PTER: variants seen among roughly 807,000 people sequenced by gnomAD.
PTER encodes N-acetyltaurine hydrolase.
In PTER, 38 loss-of-function variants were observed where a neutral mutation model predicts 29.6. The observed-to-expected ratio is 1.28, with a 90% CI of 0.99 to 1.68. PTER has a LOEUF of 1.68. PTER is among the 40% of genes most tolerant of loss of function. PTER has a pLI of 0.00. For missense variants in PTER, 482 were observed against 427.8 expected (o/e 1.13, Z -1.12); for synonymous variants, 172 against 154.5 (o/e 1.11, Z -0.84).
chr10:16,514,384 G>T, downstream of PTER: 3 of 651,252 alleles, frequency 4.6e-6, no homozygotes, highest in Non-Finnish European at 8.1e-6. Context: ...TGATACAGAT[G>T]TGAGTCAGGT....
chr10:16,509,236 G>C (rs1836717055), intron 4 of PTER, among the ~76,000 whole-genome samples: 1 of 152,100 alleles, frequency 6.6e-6, no homozygotes, highest in Admixed American at 6.5e-5. Context: ...GGACGGGGCA[G>C]GTTTTCTTCA....
chr10:16,504,028 CCTTCATTCCCTTCATGCAATGT>C (rs1836466283), intron 3 of PTER, among the ~76,000 whole-genome samples: 1 of 152,172 alleles, frequency 6.6e-6, no homozygotes, highest in Admixed American at 6.5e-5. Context: ...GTATATTTTT[CCTTCATTCCCTTCATGCAATGT>C]CTTCCTTCCC....
At chr10:16,486,827 C>G in intron 3 of PTER, 1 of 550,548 alleles carries the variant, frequency 1.8e-6, no homozygotes, top group Non-Finnish European at 3.1e-6. Flanking sequence ...CAGATAGTGT[C>G]CTAGGTATTT....
At chr10:16,452,888 G>A (rs1323362045) in intron 1 of PTER, among the ~76,000 whole-genome samples, 1 of 152,080 alleles carries the variant, frequency 6.6e-6, no homozygotes, top group African/African-American at 2.4e-5. Flanking sequence ...AAGTGGGTGG[G>A]ATTACAGGCA....
chr10:16,471,916 C>G (rs1339829104), intron 1 of PTER, among the ~76,000 whole-genome samples: 1 of 152,200 alleles, frequency 6.6e-6, no homozygotes, highest in African/African-American at 2.4e-5. Context: ...ACTTGGGATA[C>G]TTACTGCTAA....
intron 1 of PTER, among the ~76,000 whole-genome samples, chr10:16,437,984 C>T (rs1347082756): frequency 6.6e-6 from 1 of 152,122 alleles, no homozygotes; most frequent in Non-Finnish European, 1.5e-5. Flanking sequence ...CTGGTTCCAG[C>T]TCAGTGACTT....
At chr10:16,454,498 C>T (rs950047632) in intron 1 of PTER, among the ~76,000 whole-genome samples, 1 of 151,882 alleles carries the variant, frequency 6.6e-6, no homozygotes, top group African/African-American at 2.4e-5. Context: ...ATTGCTTGAA[C>T]CCGGGAGGCA....
At chr10:16,447,079 A>C (rs1244912482) in intron 1 of PTER, among the ~76,000 whole-genome samples, 1 of 149,512 alleles carries the variant, frequency 6.7e-6, no homozygotes, top group East Asian at 2.0e-4. Flanking sequence ...ATGAGATAGC[A>C]TACCCGGCCT....
At chr10:16,442,074 G>C (rs1305409552) in intron 1 of PTER, among the ~76,000 whole-genome samples, 5 of 152,126 alleles carry the variant, frequency 3.3e-5, no homozygotes, top group African/African-American at 9.7e-5. Context: ...TGTGTGAAGA[G>C]CACTTTGAAG....
At chr10:16,447,085 G>A (rs974145981) in intron 1 of PTER, among the ~76,000 whole-genome samples, 2 of 148,414 alleles carry the variant, frequency 1.3e-5, no homozygotes, top group African/African-American at 2.5e-5. Flanking sequence ...TAGCATACCC[G>A]GCCTTTTTTT....
intron 1 of PTER, among the ~76,000 whole-genome samples, chr10:16,467,368 G>T (rs1834873988): frequency 6.6e-6 from 1 of 152,114 alleles, no homozygotes; most frequent in African/African-American, 2.4e-5. Context: ...ACTATTTGCG[G>T]TTTCACACAT....
intron 1 of PTER, among the ~76,000 whole-genome samples, chr10:16,472,215 G>A (rs1426975775): frequency 1.3e-5 from 2 of 152,092 alleles, no homozygotes; most frequent in South Asian, 2.1e-4. Flanking sequence ...GGTGTTTCTC[G>A]TATTGCTAGT....
chr10:16,445,384 C>T (rs929737670), intron 1 of PTER, among the ~76,000 whole-genome samples: 1 of 152,132 alleles, frequency 6.6e-6, no homozygotes, highest in African/African-American at 2.4e-5. Context: ...TGCACTCTAG[C>T]CTGGGCGACA....
chr10:16,478,238 C>T (rs961137217), intron 1 of PTER, among the ~76,000 whole-genome samples: 1 of 152,038 alleles, frequency 6.6e-6, no homozygotes, highest in Non-Finnish European at 1.5e-5. Context: ...TGCACTTGTC[C>T]CAACTCTAGG....
chr10:16,437,851 C>G (rs894121117), intron 1 of PTER, among the ~76,000 whole-genome samples: 2 of 152,190 alleles, frequency 1.3e-5, no homozygotes, highest in Non-Finnish European at 2.9e-5. Context: ...CTCTCTTAGA[C>G]TACCTCATTC....
intron 4 of PTER, among the ~76,000 whole-genome samples, chr10:16,509,929 T>G (rs181195353): frequency 1.4e-4 from 22 of 152,316 alleles, no homozygotes; most frequent in Non-Finnish European, 3.1e-4. Flanking sequence ...TGAGTTTTTT[T>G]TGTGTGTGTA....
intron 1 of PTER, among the ~76,000 whole-genome samples, chr10:16,473,519 GAAAAAAAAAAAAAA>G (rs72001271): frequency 3.6e-5 from 1 of 28,156 alleles, no homozygotes; most frequent in Non-Finnish European, 6.0e-5. Flanking sequence ...GACTCCATCC[GAAAAAAAAAAAAAA>G]AAAAAAAAAA....
chr10:16,470,309 T>C (rs1588603101), intron 1 of PTER, among the ~76,000 whole-genome samples: 1 of 152,252 alleles, frequency 6.6e-6, no homozygotes, highest in Non-Finnish European at 1.5e-5. Context: ...TATTGTTGGT[T>C]CCCAGCCTCC....
intron 1 of PTER, among the ~76,000 whole-genome samples, chr10:16,479,283 A>G (rs2133438065): frequency 6.6e-6 from 1 of 152,230 alleles, no homozygotes; most frequent in South Asian, 2.1e-4. Flanking sequence ...TTCTTTTGAC[A>G]GTGTTTAATA....
Sources: gnomAD v4.1 joint callset for allele counts (sites outside exome capture counted in the v4.1 genomes callset) on GRCh38, gnomAD v4.1.1 for gene constraint, MANE v1.5 for transcripts, NCBI Gene and HGNC (gene_info 2026-07-23, HGNC 2026-07-21) for gene names.